Variants in CTTNBP2NL observed in about 807,000 individuals in gnomAD.
CTTNBP2NL encodes CTTNBP2 N-terminal-like protein.
Under a neutral mutation model 32.5 loss-of-function variants are expected in CTTNBP2NL, and 16 were observed. That is an observed-to-expected ratio of 0.49 (90% CI 0.33 to 0.75). CTTNBP2NL has a LOEUF of 0.75. CTTNBP2NL is among the 30% of genes least tolerant of loss of function. The pLI, the probability that CTTNBP2NL is intolerant of heterozygous loss-of-function variation, is 0.02. For missense variants in CTTNBP2NL, 645 were observed against 756.0 expected, an observed-to-expected ratio of 0.85 and a Z score of 1.72; for synonymous variants, 298 against 289.4, an observed-to-expected ratio of 1.03 and a Z score of -0.30.
intron 3 of CTTNBP2NL, among the ~76,000 whole-genome samples, chr1:112,430,312 G>A (rs1343945121): frequency 2.0e-5 from 3 of 148,116 alleles, no homozygotes; most frequent in Admixed American, 6.8e-5. Flanking sequence ...TGCAACCTCC[G>A]CCTCCTGGGC....
chr1:112,413,966 G>A (rs1050490791), intron 2 of CTTNBP2NL, among the ~76,000 whole-genome samples: 2 of 151,706 alleles, frequency 1.3e-5, no homozygotes, highest in East Asian at 3.9e-4. Flanking sequence ...GAGAATCGCT[G>A]GAACCCGGGA....
Position 112,457,145 on chromosome 1 carries a change from T to A in CTTNBP2NL, c.1653T>A (p.Thr551=), listed in dbSNP as rs992540537. ...NPRGDTSHSP[T]PGKVSSPLSP... ...GAGGTGACACAAGCCATTCACCTACTCCAGGGAAAGTGTCCAGTCCCCTGA... is the reference window on the plus strand; with the variant it reads ...GAGGTGACACAAGCCATTCACCTACACCAGGGAAAGTGTCCAGTCCCCTGA... The change falls in exon 6 of 6, where the codon ACT becomes ACA. Residue 551 remains threonine, a synonymous_variant. Coordinates refer to ENST00000271277, the MANE Select transcript of CTTNBP2NL (RefSeq NM_018704.3). 1.2e-6 allele frequency: 2 copies of A among 1,614,018 alleles called. No homozygotes were observed. Among genetic ancestry groups the A allele is most frequent in the African/African-American group, 2.7e-5 (2 of 74,912 alleles).
At chr1:112,450,354 A>G (rs191514896) in intron 4 of CTTNBP2NL, among the ~76,000 whole-genome samples, 4 of 152,314 alleles carry the variant, frequency 2.6e-5, no homozygotes, top group East Asian at 3.9e-4. Flanking sequence ...TATTTTTTCC[A>G]TAGCTTTAAT....
intron 1 of CTTNBP2NL, among the ~76,000 whole-genome samples, chr1:112,404,163 C>T (rs1648587790): frequency 1.3e-5 from 2 of 152,202 alleles, no homozygotes; most frequent in South Asian, 4.1e-4. Context: ...TTCCAAAATC[C>T]ATGTGCTTTC....
At chr1:112,443,687 T>C (rs1238254455) in intron 3 of CTTNBP2NL, among the ~76,000 whole-genome samples, 4 of 152,242 alleles carry the variant, frequency 2.6e-5, no homozygotes, top group African/African-American at 9.6e-5. Context: ...CTCTCTTTAC[T>C]GTCATGTTTA....
At chr1:112,425,236 T>G (rs989480705) in intron 3 of CTTNBP2NL, among the ~76,000 whole-genome samples, 9 of 152,206 alleles carry the variant, frequency 5.9e-5, no homozygotes, top group African/African-American at 2.2e-4. Flanking sequence ...TTTGGGAGGC[T>G]GAGGCAGGCA....
rs1462527544 is a variant in CTTNBP2NL at position 112,431,619 on chromosome 1, A to T, written c.99+15355A>T. On this transcript the variant is annotated intron_variant, in intron 3 of 5. Coordinates refer to ENST00000271277, the MANE Select transcript of CTTNBP2NL (RefSeq NM_018704.3). ...GAAGCATTGTTTAATACAGTATTGG[A>T]AACTGTAAACAACATAAATGTTCAT... is the stretch of plus-strand genomic sequence containing the variant. Among the ~76,000 whole-genome samples the T allele has an allele frequency of 2.0e-5, 3 of 152,232 alleles. No homozygotes were observed. The East Asian group carries it at 5.8e-4, about 29-fold the overall frequency.
chr1:112,448,835 C>T (rs1442219338), intron 3 of CTTNBP2NL, 107 bp from the exon 4 acceptor site: 1 of 660,192 alleles, frequency 1.5e-6, no homozygotes, highest in Non-Finnish European at 2.7e-6. Flanking sequence ...TAGTAGGTTA[C>T]ATTTATACTA....
upstream of CTTNBP2NL, among the ~76,000 whole-genome samples, chr1:112,392,575 T>C (rs886826690): frequency 2.0e-5 from 3 of 152,092 alleles, no homozygotes; most frequent in Admixed American, 1.3e-4. Context: ...TATTTAGAAA[T>C]AGGGTCTTTG....
chr1:112,458,693 C>T lies in CTTNBP2NL; in HGVS notation c.*1281C>T, dbSNP rs1027983348. The stretch of plus-strand genomic sequence containing the variant: ...AGTATCATAAAAAGGCAGAGCTGGC[C>T]AGGCACAGTGGCTCATGCCTGTAAT... On this transcript the variant is annotated 3_prime_UTR_variant, in exon 6 of 6. Coordinates refer to ENST00000271277, the MANE Select transcript of CTTNBP2NL (RefSeq NM_018704.3). 9 of 152,034 alleles carry T rather than the reference C, an allele frequency of 5.9e-5. No homozygotes were observed. Among genetic ancestry groups the T allele is most frequent in the African/African-American group, 2.2e-4 (9 of 41,378 alleles). The allele number at this position is 152,034 out of a possible 1,614,324, so 9.4% of individuals were successfully genotyped here. A position where few individuals can be genotyped will look rare whatever the true frequency, so the allele number is the denominator to read the frequency against.
chr1:112,420,148 CTTT>C lies in CTTNBP2NL; in HGVS notation c.99+3897_99+3899del, dbSNP rs34995369. ...AATATGTTTTTTAGAGTTGGAGTGG[CTTT>C]TTTTTTTTTTTTGAGATGAAGTCTC... On this transcript the variant is annotated intron_variant, in intron 3 of 5. Transcript: ENST00000271277. 1.9e-3 allele frequency among the ~76,000 whole-genome samples: 257 copies of C among 134,276 alleles called. 1 individual carries two copies. The highest frequency in any genetic ancestry group is 5.7e-3 in the African/African-American group (209 of 36,828). 88.1% of individuals were successfully genotyped at this position (134,276 alleles called of 152,430 possible).
intron 3 of CTTNBP2NL, among the ~76,000 whole-genome samples, chr1:112,444,040 G>A (rs1649968909): frequency 6.6e-6 from 1 of 152,296 alleles, no homozygotes; most frequent in South Asian, 2.1e-4. Context: ...GAAGTATTCA[G>A]ATTTCTTTGA....
At chr1:112,430,330 A>G (rs2101015310) in intron 3 of CTTNBP2NL, among the ~76,000 whole-genome samples, 1 of 151,586 alleles carries the variant, frequency 6.6e-6, no homozygotes, top group African/African-American at 2.4e-5. Context: ...GGCTCAAGTG[A>G]TCTTCCCACC....
chr1:112,431,715 GAGAA>G (rs1419611988), intron 3 of CTTNBP2NL, among the ~76,000 whole-genome samples: 2 of 152,058 alleles, frequency 1.3e-5, no homozygotes, highest in African/African-American at 4.8e-5. Context: ...TTTTTTTAAT[GAGAA>G]AGAAAGCTAT....
chr1:112,448,747 A>G (rs867743084), intron 3 of CTTNBP2NL, among the ~76,000 whole-genome samples, 195 bp from the exon 4 acceptor site: 4 of 152,218 alleles, frequency 2.6e-5, no homozygotes, highest in Admixed American at 6.5e-5. Context: ...ATAGTGCTTT[A>G]TAAGTATTTG....
chr1:112,416,374 AG>A, intron 3 of CTTNBP2NL, 110 bp downstream of exon 3: 1 of 629,682 alleles, frequency 1.6e-6, no homozygotes, highest in Non-Finnish European at 2.7e-6. Context: ...AATTAAATGG[AG>A]GACATACTGA....
intron 3 of CTTNBP2NL, among the ~76,000 whole-genome samples, chr1:112,418,828 T>A (rs1011044504): frequency 3.9e-5 from 6 of 152,136 alleles, no homozygotes; most frequent in Non-Finnish European, 5.9e-5. Flanking sequence ...ATGGCCATTT[T>A]AAAAAATCTG....
chr1:112,405,683 T>A (rs963471721), intron 1 of CTTNBP2NL, among the ~76,000 whole-genome samples: 3 of 152,222 alleles, frequency 2.0e-5, no homozygotes, highest in Non-Finnish European at 2.9e-5. Context: ...TAAGGCTACT[T>A]CCTTCTTTTC....
chr1:112,451,962 C>T (rs1427180767), intron 4 of CTTNBP2NL, among the ~76,000 whole-genome samples: 1 of 152,030 alleles, frequency 6.6e-6, no homozygotes, highest in Admixed American at 6.6e-5. Flanking sequence ...AGCCTCTTTT[C>T]TTCTTCAAAA....
Sources: allele counts gnomAD v4.1 joint callset (sites outside exome capture counted in the v4.1 genomes callset), GRCh38; gene constraint gnomAD v4.1.1; transcripts MANE v1.5; gene names NCBI Gene and HGNC (gene_info 2026-07-23, HGNC 2026-07-21).